Variants in IL1RAPL2 observed in about 807,000 individuals in gnomAD.
IL1RAPL2 encodes interleukin 1 receptor accessory protein like 2, also known as X-linked interleukin-1 receptor accessory protein-like 2.
IL1RAPL2 carries 3 observed loss-of-function variants against 44.1 expected under a neutral mutation model. The observed-to-expected ratio is 0.07, with a 90% CI of 0.03 to 0.18. The LOEUF is 0.18. IL1RAPL2 is among the 10% of genes least tolerant of loss of function. The pLI is 1.00. For missense variants in IL1RAPL2, 391 were observed against 496.4 expected (o/e 0.79, Z 2.02); for synonymous variants, 181 against 178.8 (o/e 1.01, Z -0.10).
intron 2 of IL1RAPL2, among the ~76,000 whole-genome samples, chrX:105,114,796 C>T (rs1056476326): frequency 2.7e-5 from 3 of 112,001 alleles, no homozygotes; most frequent in Non-Finnish European, 5.6e-5. Flanking sequence ...TTCAGTTAGG[C>T]AGGAGTGGTG....
intron 2 of IL1RAPL2, among the ~76,000 whole-genome samples, chrX:104,928,849 GC>G (rs1253947863): frequency 9.0e-6 from 1 of 111,104 alleles, no homozygotes. Flanking sequence ...TGGTGTGAGG[GC>G]AGCGTGTTGG....
chrX:105,686,087 C>T (rs969041655), intron 6 of IL1RAPL2, among the ~76,000 whole-genome samples: 6 of 111,028 alleles, frequency 5.4e-5, no homozygotes, highest in African/African-American at 2.0e-4. Context: ...CAGTACCAGA[C>T]ACTGCAAAAA....
At chrX:104,616,847 C>T (rs1175503829) in intron 1 of IL1RAPL2, among the ~76,000 whole-genome samples, 1 of 111,946 alleles carries the variant, frequency 8.9e-6, no homozygotes, top group Non-Finnish European at 1.9e-5. Context: ...TCTGGTGTCC[C>T]GCACAGCCGG....
intron 1 of IL1RAPL2, among the ~76,000 whole-genome samples, chrX:104,644,969 G>A (rs1483872727): frequency 2.7e-5 from 3 of 111,327 alleles, no homozygotes; most frequent in Non-Finnish European, 5.7e-5. Flanking sequence ...AAATATAAAG[G>A]ACACTTTTGA....
intron 2 of IL1RAPL2, among the ~76,000 whole-genome samples, chrX:104,875,113 C>G (rs1437105226): frequency 8.9e-6 from 1 of 111,755 alleles, no homozygotes; most frequent in Non-Finnish European, 1.9e-5. Context: ...TTACTTCTCT[C>G]ATCCCCATGT....
intron 6 of IL1RAPL2, among the ~76,000 whole-genome samples, chrX:105,590,222 T>C (rs1293047126): frequency 8.9e-6 from 1 of 112,143 alleles, no homozygotes; most frequent in South Asian, 3.7e-4. Flanking sequence ...TACATTGATT[T>C]AGTATCCTGA....
Position 104,936,667 on chromosome X carries a change from G to A in IL1RAPL2, c.83-258808G>A, listed in dbSNP as rs1219410370. ...AGATGGAGTCTCGCTCAGTTGCCCA[G>A]GCTAGAGTGCAATGGCGCGATCTCG... is the stretch of plus-strand genomic sequence containing the variant. On this transcript the variant is annotated intron_variant, in intron 2 of 10. Transcript: ENST00000372582. 3.1e-5 allele frequency among the ~76,000 whole-genome samples: 3 copies of A among 96,968 alleles called. No individual in the cohort carries two copies. In the East Asian group the frequency reaches 9.5e-4, roughly 31 times the overall value. The allele number at this position is 96,968 out of a possible 115,157, so 84.2% of individuals were successfully genotyped here.
chrX:105,441,622 A>G (rs1353782726), intron 5 of IL1RAPL2, among the ~76,000 whole-genome samples: 2 of 111,803 alleles, frequency 1.8e-5, no homozygotes, highest in African/African-American at 6.5e-5. Context: ...ATAAGATTCA[A>G]ACGTTCTCTC....
Position 105,767,259 on chromosome X carries a change from A to G in IL1RAPL2, c.1659A>G (p.Val553=). 8.3e-7 allele frequency: 1 copy of G among 1,211,850 alleles called. No homozygotes were observed. Among genetic ancestry groups the G allele is most frequent in the African/African-American group, 1.7e-5 (1 of 57,888 alleles). Residue 553 remains valine, a synonymous_variant, in exon 11 of 11, where the codon GTA becomes GTG. Coordinates refer to ENST00000372582, the MANE Select transcript of IL1RAPL2 (RefSeq NM_017416.2). ...KLNSKFWKHL[V]YEMPIKKKEM... The stretch of plus-strand genomic sequence containing the variant: ...ATTCTAAGTTTTGGAAGCACTTAGT[A>G]TATGAAATGCCCATCAAGAAAAAAG...
intron 5 of IL1RAPL2, among the ~76,000 whole-genome samples, chrX:105,381,333 GCTT>G (rs1454081430): frequency 9.0e-6 from 1 of 111,622 alleles, no homozygotes; most frequent in Non-Finnish European, 1.9e-5. Context: ...TCATCAGACA[GCTT>G]CTTTCTGCCA....
chrX:104,684,953 G>T (rs1165444896), intron 2 of IL1RAPL2, among the ~76,000 whole-genome samples: 1 of 111,956 alleles, frequency 8.9e-6, no homozygotes, highest in African/African-American at 3.3e-5. Context: ...CAACTCAAGG[G>T]TCAGCATTCT....
intron 6 of IL1RAPL2, among the ~76,000 whole-genome samples, chrX:105,601,991 C>T (rs1164712975): frequency 1.8e-5 from 2 of 111,412 alleles, no homozygotes; most frequent in Admixed American, 1.9e-4. Context: ...TCCCTAGAAG[C>T]TGAGGGCTTG....
chrX:105,349,188 T>A (rs1281976069), intron 5 of IL1RAPL2, among the ~76,000 whole-genome samples: 1 of 112,014 alleles, frequency 8.9e-6, no homozygotes, highest in Non-Finnish European at 1.9e-5. Context: ...TGTAACTGAC[T>A]TGTGACATGC....
intron 2 of IL1RAPL2, among the ~76,000 whole-genome samples, chrX:104,925,058 T>A (rs1043352355): frequency 9.1e-6 from 1 of 109,549 alleles, no homozygotes; most frequent in Non-Finnish European, 1.9e-5. Flanking sequence ...TCATCAGATA[T>A]CACTATGAAT....
At chrX:105,612,321 G>A (rs1353963214) in intron 6 of IL1RAPL2, among the ~76,000 whole-genome samples, 2 of 110,592 alleles carry the variant, frequency 1.8e-5, no homozygotes, top group Non-Finnish European at 3.8e-5. Context: ...TGCCTAGGCT[G>A]GTTTTGAACT....
intron 5 of IL1RAPL2, among the ~76,000 whole-genome samples, chrX:105,325,541 T>TTATATATATATATATA (rs3035842): frequency 6.8e-4 from 52 of 76,058 alleles, no homozygotes; most frequent in Middle Eastern, 6.5e-3. Flanking sequence ...TCTCTTGGTT[T>TTATATATATATATATA]TATATATATA....
chrX:105,109,390 T>C (rs1233560849), intron 2 of IL1RAPL2, among the ~76,000 whole-genome samples: 1 of 112,377 alleles, frequency 8.9e-6, no homozygotes, highest in East Asian at 2.8e-4. Context: ...TAAGCAAATG[T>C]GATATATCTA....
intron 3 of IL1RAPL2, among the ~76,000 whole-genome samples, chrX:105,197,968 A>G (rs1603003448): frequency 9.0e-6 from 1 of 110,897 alleles, no homozygotes; most frequent in Non-Finnish European, 1.9e-5. Flanking sequence ...CTTTGTACCT[A>G]TGTGTTCTCA....
intron 5 of IL1RAPL2, among the ~76,000 whole-genome samples, chrX:105,294,763 T>C (rs2036764774): frequency 8.9e-6 from 1 of 112,139 alleles, no homozygotes; most frequent in African/African-American, 3.2e-5. Flanking sequence ...GGTAAGTAGT[T>C]GTTGAGCACA....
Sources: gnomAD v4.1 joint callset for allele counts (sites outside exome capture counted in the v4.1 genomes callset) on GRCh38, gnomAD v4.1.1 for gene constraint, MANE v1.5 for transcripts, NCBI Gene and HGNC (gene_info 2026-07-23, HGNC 2026-07-21) for gene names.